The following ADGB variants were observed in gnomAD, a reference collection of about 807,000 sequenced individuals.
ADGB encodes calpain-7-like protein.
ADGB carries 172 observed loss-of-function variants against 210.5 expected under a neutral mutation model. The ratio of observed to expected loss-of-function variants is 0.82; its 90% CI spans 0.72 to 0.93. The LOEUF (loss-of-function observed/expected upper bound fraction) is 0.93. Among genes scored for constraint, ADGB ranks in the 40% least tolerant of loss-of-function variants. ADGB has a pLI of 0.00. For missense variants in ADGB, 2,025 were observed against 1,964.8 expected (o/e 1.03, Z -0.58); for synonymous variants, 658 against 662.7 (o/e 0.99, Z 0.11).
At chr6:146,775,330 C>G (rs1308543722) in intron 29 of ADGB, among the ~76,000 whole-genome samples, 3 of 152,140 alleles carry the variant, frequency 2.0e-5, no homozygotes, top group Non-Finnish European at 4.4e-5. Flanking sequence ...TGGCTATGTA[C>G]AACTTAGGAT....
chr6:146,791,573 G>A (rs1472867659), intron 33 of ADGB, among the ~76,000 whole-genome samples: 1 of 152,022 alleles, frequency 6.6e-6, no homozygotes. Flanking sequence ...AAATTTATGG[G>A]CTCAAGGAAT....
At chr6:146,800,711 T>C (rs1227831062) in intron 33 of ADGB, among the ~76,000 whole-genome samples, 1 of 152,184 alleles carries the variant, frequency 6.6e-6, no homozygotes, top group South Asian at 2.1e-4. Context: ...TACAAGTTTA[T>C]TGAAGGTAAA....
chr6:146,754,474 A>G (rs1777380074), intron 27 of ADGB, among the ~76,000 whole-genome samples: 1 of 151,682 alleles, frequency 6.6e-6, no homozygotes, highest in South Asian at 2.1e-4. Flanking sequence ...ATTTTATTTC[A>G]TGTTTTAAAT....
rs114655889 is a variant in ADGB at position 146,705,600 on chromosome 6, A to T, written c.1707+4530A>T. On this transcript the variant is annotated intron_variant, in intron 13 of 35. Coordinates refer to ENST00000397944, the MANE Select transcript of ADGB (RefSeq NM_024694.4). ...ATACTTGTAGATTTGCATATGTCAA[A>T]CCATCCTTGCATCTCTGGGAAAACT... is the stretch of plus-strand genomic sequence containing the variant. Among the ~76,000 whole-genome samples the T allele has an allele frequency of 2.5e-3, 380 of 152,244 alleles. 1 individual carries two copies. Among genetic ancestry groups the T allele is most frequent in the African/African-American group, 8.4e-3 (350 of 41,544 alleles).
chr6:146,808,245 G>C (rs113962637), intron 35 of ADGB, among the ~76,000 whole-genome samples: 1 of 152,078 alleles, frequency 6.6e-6, no homozygotes, highest in African/African-American at 2.4e-5. Context: ...AGTGATCTGC[G>C]CGCATCGGCC....
At chr6:146,630,682 A>G (rs758398108) in intron 1 of ADGB, among the ~76,000 whole-genome samples, 2 of 152,212 alleles carry the variant, frequency 1.3e-5, no homozygotes, top group African/African-American at 2.4e-5. Context: ...TTTTGTTTCA[A>G]TATATACAGT....
At chr6:146,767,016 T>TA (rs1314968548) in intron 28 of ADGB, among the ~76,000 whole-genome samples, 1 of 152,160 alleles carries the variant, frequency 6.6e-6, no homozygotes, top group African/African-American at 2.4e-5. Flanking sequence ...TATGGATTTC[T>TA]AAAATGTGCT....
intron 3 of ADGB, among the ~76,000 whole-genome samples, chr6:146,647,105 C>CAAA (rs71552951): frequency 0.045 from 6,162 of 136,408 alleles, 306 homozygotes; most frequent in East Asian, 0.19. Context: ...AAACAAAAAA[C>CAAA]AAAAAACAAA....
chr6:146,765,577 TATAA>T (rs1222827739), intron 28 of ADGB, among the ~76,000 whole-genome samples: 1 of 151,164 alleles, frequency 6.6e-6, no homozygotes, highest in Non-Finnish European at 1.5e-5. Flanking sequence ...TTTTAAATCC[TATAA>T]ATAATAAAAC....
intron 16 of ADGB, 48 bp downstream of exon 16, chr6:146,717,647 T>C (rs1385706424): frequency 8.5e-6 from 8 of 943,606 alleles, no homozygotes; most frequent in African/African-American, 1.7e-5. Context: ...TTTGGTAGAA[T>C]TGCACCCGTA....
At chr6:146,778,153 C>T (rs371075234) in intron 29 of ADGB, among the ~76,000 whole-genome samples, 3 of 152,324 alleles carry the variant, frequency 2.0e-5, no homozygotes, top group African/African-American at 7.2e-5. Context: ...TAATCCCACA[C>T]TCTATTGGCA....
At chr6:146,767,499 C>T (rs1445581812) in intron 28 of ADGB, among the ~76,000 whole-genome samples, 1 of 152,104 alleles carries the variant, frequency 6.6e-6, no homozygotes, top group Non-Finnish European at 1.5e-5. Flanking sequence ...TTTTTTGAGA[C>T]AGAGTCTCAC....
chr6:146,800,303 C>G (rs1778109337), intron 33 of ADGB, among the ~76,000 whole-genome samples: 1 of 151,938 alleles, frequency 6.6e-6, no homozygotes, highest in Non-Finnish European at 1.5e-5. Context: ...ATAAAATGTC[C>G]AGGAAAGACA....
chr6:146,764,839 G>C (rs1053658590), intron 28 of ADGB, among the ~76,000 whole-genome samples: 1 of 152,124 alleles, frequency 6.6e-6, no homozygotes, highest in African/African-American at 2.4e-5. Context: ...TTGCACTGTT[G>C]CCCAGGCTGG....
At chr6:146,802,650 A>G (rs1370864063) in intron 35 of ADGB, 2 of 715,848 alleles carry the variant, frequency 2.8e-6, no homozygotes, top group African/African-American at 3.6e-5. Flanking sequence ...GGATTTCATT[A>G]GTGGTTTCAT....
chr6:146,601,281 A>G (rs1780553007), intron 1 of ADGB, among the ~76,000 whole-genome samples: 1 of 152,200 alleles, frequency 6.6e-6, no homozygotes, highest in Non-Finnish European at 1.5e-5. Flanking sequence ...TATCTGAATT[A>G]TATCAATAAA....
chr6:146,748,349 G>A (rs767639167), intron 26 of ADGB, among the ~76,000 whole-genome samples: 1 of 152,080 alleles, frequency 6.6e-6, no homozygotes, highest in Non-Finnish European at 1.5e-5. Context: ...CTGGGTGGGT[G>A]ACTTATGCAA....
intron 13 of ADGB, among the ~76,000 whole-genome samples, chr6:146,715,178 A>T (rs1776715279): frequency 6.6e-6 from 1 of 152,218 alleles, no homozygotes; most frequent in Non-Finnish European, 1.5e-5. Flanking sequence ...ACAAGCTTAA[A>T]TACTCAGTCA....
At chr6:146,661,338 G>A (rs1219015582) in intron 5 of ADGB, among the ~76,000 whole-genome samples, 1 of 148,800 alleles carries the variant, frequency 6.7e-6, no homozygotes, top group African/African-American at 2.5e-5. Flanking sequence ...TCCTGCCTCA[G>A]CCTCCCAAGT....
Sources: gnomAD v4.1 joint callset for allele counts (sites outside exome capture counted in the v4.1 genomes callset) on GRCh38, gnomAD v4.1.1 for gene constraint, MANE v1.5 for transcripts, NCBI Gene and HGNC (gene_info 2026-07-23, HGNC 2026-07-21) for gene names.